The following SV2C variants were observed in gnomAD, a reference collection of about 807,000 sequenced individuals.
SV2C encodes synaptic vesicle glycoprotein 2C.
A neutral mutation model predicts 79.7 loss-of-function variants in SV2C; 49 were observed. That is an observed-to-expected ratio of 0.61 (90% CI 0.49 to 0.78). The LOEUF (loss-of-function observed/expected upper bound fraction) is 0.78, where lower values mean the gene tolerates loss of function less well. Ranked by LOEUF, SV2C falls within the 30% of genes least tolerant of loss-of-function variation. SV2C has a pLI of 0.00. For synonymous variants in SV2C, 334 were observed against 333.2 expected, an observed-to-expected ratio of 1.00 and a Z score of -0.03; for missense variants, 833 against 912.9, an observed-to-expected ratio of 0.91 and a Z score of 1.13.
At chr5:76,337,914 G>A (rs936209597), downstream of SV2C, among the ~76,000 whole-genome samples, 6 of 152,206 alleles carry the variant, frequency 3.9e-5, no homozygotes, top group Admixed American at 3.9e-4. Context: ...GAACAAAGCA[G>A]CCTTCTCTGT....
intron 4 of SV2C, chr5:76,242,439 C>T (rs1579979455): frequency 1.3e-5 from 8 of 593,596 alleles, no homozygotes; most frequent in South Asian, 9.1e-5. Flanking sequence ...CTGCCCACCT[C>T]GGCCTCCCAA....
At chr5:76,088,229 C>T (rs1055287001) in intron 1 of SV2C, among the ~76,000 whole-genome samples, 7 of 152,292 alleles carry the variant, frequency 4.6e-5, no homozygotes, top group Admixed American at 3.3e-4. Context: ...TGCTTTTCCT[C>T]ATAAAGTTAT....
At chr5:75,949,706 A>G in the SV2C span, among the ~76,000 whole-genome samples, 3 of 151,882 alleles carry the variant, frequency 2.0e-5, no homozygotes, top group South Asian at 6.2e-4. Flanking sequence ...TCCACCTTCC[A>G]CCATGATTGT....
At chr5:75,871,222 T>A in the SV2C span, among the ~76,000 whole-genome samples, 1 of 152,136 alleles carries the variant, frequency 6.6e-6, no homozygotes, top group African/African-American at 2.4e-5. Context: ...TGTTTTTAAT[T>A]GAAGTAGAAA....
At chr5:76,036,436 C>T in the SV2C span, among the ~76,000 whole-genome samples, 4 of 151,866 alleles carry the variant, frequency 2.6e-5, no homozygotes, top group Non-Finnish European at 5.9e-5. Flanking sequence ...TTAGGGCAGG[C>T]CTGGTGGTGA....
At chr5:76,305,226 A>T (rs1365184950) in intron 12 of SV2C, among the ~76,000 whole-genome samples, 2 of 152,144 alleles carry the variant, frequency 1.3e-5, no homozygotes, top group Non-Finnish European at 2.9e-5. Context: ...GACACTGGGG[A>T]TTACATTCTA....
chr5:76,292,064 T>C (rs990526307), intron 8 of SV2C, among the ~76,000 whole-genome samples: 5 of 152,190 alleles, frequency 3.3e-5, no homozygotes, highest in African/African-American at 1.2e-4. Flanking sequence ...GCAAAACCAA[T>C]TGTATCTGCA....
chr5:76,169,667 C>T (rs1743153932), intron 2 of SV2C, among the ~76,000 whole-genome samples: 1 of 152,182 alleles, frequency 6.6e-6, no homozygotes, highest in African/African-American at 2.4e-5. Context: ...TTAACTGGTT[C>T]CATCACATTA....
At chr5:76,061,680 G>C in the SV2C span, among the ~76,000 whole-genome samples, 91 of 152,142 alleles carry the variant, frequency 6.0e-4, no homozygotes, top group African/African-American at 1.9e-3. Flanking sequence ...TTTGGCGATA[G>C]AGAATCAAAC....
At chr5:75,956,917 C>T in the SV2C span, among the ~76,000 whole-genome samples, 1 of 151,914 alleles carries the variant, frequency 6.6e-6, no homozygotes, top group South Asian at 2.1e-4. Context: ...TACAGATTTG[C>T]ACATACCTTC....
At chr5:76,287,155 C>G (rs1011736364) in intron 6 of SV2C, among the ~76,000 whole-genome samples, 1 of 152,112 alleles carries the variant, frequency 6.6e-6, no homozygotes, top group Non-Finnish European at 1.5e-5. Flanking sequence ...AAAGTTTATT[C>G]ATAGGCCTTA....
At chr5:75,924,759 T>C in the SV2C span, among the ~76,000 whole-genome samples, 3 of 96,852 alleles carry the variant, frequency 3.1e-5, no homozygotes, top group East Asian at 8.9e-4. Flanking sequence ...AATTTATACA[T>C]ATATATATAT....
chr5:76,202,721 T>C (rs1744490335), intron 3 of SV2C, among the ~76,000 whole-genome samples: 1 of 152,190 alleles, frequency 6.6e-6, no homozygotes, highest in Admixed American at 6.5e-5. Flanking sequence ...TAGAGCTGCG[T>C]TGTCCAACAT....
chr5:76,334,706 C>G (rs1388607055), downstream of SV2C, among the ~76,000 whole-genome samples: 2 of 152,178 alleles, frequency 1.3e-5, no homozygotes, highest in Admixed American at 6.5e-5. Context: ...AGAACATTCT[C>G]GGAATCCTCC....
At chr5:75,901,890 G>A in the SV2C span, among the ~76,000 whole-genome samples, 1 of 152,224 alleles carries the variant, frequency 6.6e-6, no homozygotes, top group Non-Finnish European at 1.5e-5. Context: ...GACCTTCCAA[G>A]CCAGGTGCGG....
the SV2C span, among the ~76,000 whole-genome samples, chr5:75,933,789 T>C: frequency 0.57 from 86,380 of 152,094 alleles, 25,443 homozygotes; most frequent in African/African-American, 0.73. Context: ...GTCTATCATC[T>C]GTCCAAGCTT....
chr5:75,855,559 C>T, the SV2C span, among the ~76,000 whole-genome samples: 4 of 152,186 alleles, frequency 2.6e-5, no homozygotes, highest in African/African-American at 9.6e-5. Flanking sequence ...CACTTAGTGC[C>T]TCTGTGTCAC....
intron 12 of SV2C, among the ~76,000 whole-genome samples, chr5:76,304,948 C>T (rs181750956): frequency 3.3e-5 from 5 of 152,278 alleles, no homozygotes; most frequent in African/African-American, 1.2e-4. Context: ...GCAGACTATA[C>T]AGGAAGCATA....
At chr5:76,234,669 C>T (rs10514063) in intron 4 of SV2C, among the ~76,000 whole-genome samples, 66,116 of 152,058 alleles carry the variant, frequency 0.43, 15,412 homozygotes, top group African/African-American at 0.6. Flanking sequence ...TGGCCCTTTG[C>T]AAGAGCATTA....
Sources: allele counts gnomAD v4.1 joint callset (sites outside exome capture counted in the v4.1 genomes callset), GRCh38; gene constraint gnomAD v4.1.1; transcripts MANE v1.5; gene names NCBI Gene and HGNC (gene_info 2026-07-23, HGNC 2026-07-21).